The following HECW1 variants were observed in gnomAD, a reference collection of about 807,000 sequenced individuals.
HECW1 encodes the protein E3 ubiquitin-protein ligase HECW1.
In HECW1, 61 loss-of-function variants were observed where a neutral mutation model predicts 182.3. The observed-to-expected ratio is 0.33, with a 90% CI of 0.27 to 0.41. The LOEUF (loss-of-function observed/expected upper bound fraction) is 0.41, where lower values mean the gene tolerates loss of function less well. Ranked by LOEUF, HECW1 falls within the 10% of genes least tolerant of loss-of-function variation. The pLI is 1.00. For synonymous variants in HECW1, 859 were observed against 832.6 expected (o/e 1.03, Z -0.55); for missense variants, 1,739 against 2,108.9 (o/e 0.82, Z 3.44).
chr7:43,281,320 C>A (rs1345090968), intron 3 of HECW1, among the ~76,000 whole-genome samples: 1 of 152,192 alleles, frequency 6.6e-6, no homozygotes, highest in Non-Finnish European at 1.5e-5. Flanking sequence ...CGACTTGTTG[C>A]ACCAGGCTCT....
chr7:43,491,930 T>A, intron 17 of HECW1, 145 bp from the exon 18 acceptor site: 2 of 627,112 alleles, frequency 3.2e-6, no homozygotes, highest in Non-Finnish European at 5.7e-6. Context: ...TAGACACTTT[T>A]GTAAGCTTTC....
At chr7:43,205,275 G>A (rs1483265908) in intron 2 of HECW1, among the ~76,000 whole-genome samples, 1 of 152,064 alleles carries the variant, frequency 6.6e-6, no homozygotes, top group African/African-American at 2.4e-5. Context: ...AGTAGAGGTG[G>A]TGTTTCACTA....
chr7:43,149,510 C>A (rs1789070499), intron 2 of HECW1, among the ~76,000 whole-genome samples: 1 of 152,164 alleles, frequency 6.6e-6, no homozygotes. Context: ...AATGTGGGAT[C>A]TTGGATTGAA....
intron 17 of HECW1, among the ~76,000 whole-genome samples, chr7:43,488,470 A>AAG (rs1425160897): frequency 2.4e-4 from 36 of 149,166 alleles, no homozygotes; most frequent in African/African-American, 8.6e-4. Context: ...GAAAGAAAGA[A>AAG]AGAAAGAAAG....
At position 43,479,664 on chromosome 7, in the gene HECW1, C is replaced by T; in HGVS notation, c.3154C>T (p.Pro1052Ser). 6.2e-7 allele frequency: 1 copy of T among 1,614,056 alleles called. No individual in the cohort carries two copies. The highest frequency in any genetic ancestry group is 8.5e-7 in the Non-Finnish European group (1 of 1,179,998). ...RATTFIDPRI[P>S]LQNGRLPNHL... ...TACCACTTTCATTGACCCCCGAATC[C>T]CTCTTCAGAACGGTCGTCTTCCCAA... The change falls in exon 17 of 30, where the codon CCT becomes TCT. Residue 1052 changes from proline (P) to serine (S), a missense_variant. Pro to Ser is a moderately conservative substitution (Grantham distance 74). Transcript: ENST00000395891.
rs1791927919 is a variant in HECW1, at chr7:43,173,761, G to A, written c.-32+59370G>A. On this transcript the variant is annotated intron_variant, in intron 2 of 29. Transcript: ENST00000395891. Reference sequence around the variant, plus strand: ...AGGCCAAGGACCACTATTGGTCTATGGTCCAGGATTTGGGGACCTCAGCTC... The same window carrying A: ...AGGCCAAGGACCACTATTGGTCTATAGTCCAGGATTTGGGGACCTCAGCTC... Among the ~76,000 whole-genome samples, 2 of 152,174 alleles carry A rather than the reference G, an allele frequency of 1.3e-5. 1 individual carries two copies. The highest frequency in any genetic ancestry group is 2.9e-5 in the Non-Finnish European group (2 of 68,034).
At chr7:43,410,706 AAG>A (rs1245515317) in intron 8 of HECW1, among the ~76,000 whole-genome samples, 5 of 152,236 alleles carry the variant, frequency 3.3e-5, no homozygotes, top group African/African-American at 1.2e-4. Context: ...TTTAAATAAA[AAG>A]AGTCATTTAG....
At chr7:43,445,652 G>A (rs2152879379) in intron 11 of HECW1, 82 bp downstream of exon 11, 1 of 1,442,008 alleles carries the variant, frequency 6.9e-7, no homozygotes. Flanking sequence ...AACAAGAAGG[G>A]CGGGGGATCG....
At chr7:43,510,586 TA>T (rs1421558534) in intron 24 of HECW1, among the ~76,000 whole-genome samples, 5 of 152,232 alleles carry the variant, frequency 3.3e-5, no homozygotes, top group African/African-American at 1.2e-4. Flanking sequence ...AATGCTCACT[TA>T]TACGCACATA....
intron 24 of HECW1, 40 bp downstream of exon 24, chr7:43,509,161 C>A (rs2079737793): frequency 1.1e-5 from 18 of 1,595,812 alleles, no homozygotes; most frequent in Non-Finnish European, 1.5e-5. Context: ...TTTGAAAGTT[C>A]TCCTCTTTCT....
chr7:43,225,550 A>T (rs919352663), intron 2 of HECW1, among the ~76,000 whole-genome samples: 12 of 152,218 alleles, frequency 7.9e-5, no homozygotes, highest in African/African-American at 2.7e-4. Flanking sequence ...AATATACATC[A>T]AGGAAATATT....
intron 5 of HECW1, among the ~76,000 whole-genome samples, chr7:43,325,012 A>C (rs1382649489): frequency 6.6e-6 from 1 of 152,192 alleles, no homozygotes; most frequent in Non-Finnish European, 1.5e-5. Flanking sequence ...GGTCTGACTA[A>C]ATCTGATTTT....
intron 16 of HECW1, among the ~76,000 whole-genome samples, chr7:43,473,725 A>T (rs117194363): frequency 5.9e-5 from 9 of 152,326 alleles, no homozygotes; most frequent in Non-Finnish European, 8.8e-5. Flanking sequence ...TCATTTAAAA[A>T]ACAAAGGTTA....
intron 8 of HECW1, among the ~76,000 whole-genome samples, chr7:43,420,970 G>A (rs114731912): frequency 0.028 from 4,291 of 152,126 alleles, 193 homozygotes; most frequent in African/African-American, 0.098. Flanking sequence ...AATACAAAAT[G>A]CCAAGTAGAG....
At chr7:43,336,308 C>T (rs1246974747) in intron 5 of HECW1, among the ~76,000 whole-genome samples, 1 of 151,472 alleles carries the variant, frequency 6.6e-6, no homozygotes, top group African/African-American at 2.4e-5. Flanking sequence ...TGGGACCACA[C>T]TCACACACCA....
chr7:43,257,982 T>A (rs1327361512), intron 3 of HECW1, among the ~76,000 whole-genome samples: 1 of 152,180 alleles, frequency 6.6e-6, no homozygotes, highest in East Asian at 1.9e-4. Flanking sequence ...ATGAATCTGA[T>A]ATTGTCTTCT....
chr7:43,507,075 AG>A, intron 21 of HECW1, 61 bp from the exon 22 acceptor site: 1 of 1,570,234 alleles, frequency 6.4e-7, no homozygotes, highest in Non-Finnish European at 8.6e-7. Context: ...TTCTCAAAAA[AG>A]AAAAAAAGAA....
chr7:43,202,210 A>G (rs1390122018), intron 2 of HECW1, among the ~76,000 whole-genome samples: 1 of 152,190 alleles, frequency 6.6e-6, no homozygotes, highest in African/African-American at 2.4e-5. Context: ...ATTTGAACAC[A>G]GAGTCTTGTA....
chr7:43,245,701 T>A (rs1248767651), intron 3 of HECW1: 1 of 152,158 alleles, frequency 6.6e-6, no homozygotes, highest in African/African-American at 2.4e-5. Flanking sequence ...CTGGGTAACA[T>A]GAGAGAGAAG....
Sources: allele counts gnomAD v4.1 joint callset (sites outside exome capture counted in the v4.1 genomes callset), GRCh38; gene constraint gnomAD v4.1.1; transcripts MANE v1.5; gene names NCBI Gene and HGNC (gene_info 2026-07-23, HGNC 2026-07-21).